TMOD4: variants seen among roughly 807,000 people sequenced by gnomAD.
TMOD4 encodes tropomodulin-4.
Under a neutral mutation model 45.4 loss-of-function variants are expected in TMOD4, and 34 were observed. The ratio of observed to expected loss-of-function variants is 0.75; its 90% CI spans 0.57 to 1.00. The LOEUF (loss-of-function observed/expected upper bound fraction) is 1.00. Among genes scored for constraint, TMOD4 ranks in the 50% least tolerant of loss-of-function variants. The probability of loss-of-function intolerance (pLI) is 0.00; values close to 1 mark genes in which losing one functional copy is unlikely to be tolerated. For synonymous variants in TMOD4, 131 were observed against 153.9 expected, an observed-to-expected ratio of 0.85 and a Z score of 1.10; for missense variants, 399 against 437.5, an observed-to-expected ratio of 0.91 and a Z score of 0.78.
rs1283727307 is a variant in TMOD4, at chr1:151,171,387, G to T, written c.726+46C>A. 1.3e-6 allele frequency: 2 copies of T among 1,520,674 alleles called. 1 individual carries two copies. Among genetic ancestry groups the T allele is most frequent in the Admixed American group, 3.3e-5 (2 of 59,798 alleles). The allele number at this position is 1,520,674 out of a possible 1,614,324, so 94.2% of individuals were successfully genotyped here. On this transcript the variant is annotated intron_variant, in intron 7 of 9. Transcript: ENST00000295314. ...CCTTTATGACAGCCATGCAACAGGTGCATGTAAGATGTGGGGAGAGGGCTG... is the reference window on the plus strand; with the variant it reads ...CCTTTATGACAGCCATGCAACAGGTTCATGTAAGATGTGGGGAGAGGGCTG...
intron 4 of TMOD4, among the ~76,000 whole-genome samples, chr1:151,173,144 C>T (rs113978261): frequency 2.6e-5 from 4 of 152,018 alleles, no homozygotes; most frequent in Admixed American, 6.6e-5. Context: ...TTAGTAGAGA[C>T]GGGGTTTCAC....
At chr1:151,173,976 G>T (rs1684031322) in intron 3 of TMOD4, among the ~76,000 whole-genome samples, 1 of 152,104 alleles carries the variant, frequency 6.6e-6, no homozygotes, top group African/African-American at 2.4e-5. Flanking sequence ...AGCACTTTGG[G>T]AGGCTAAGGC....
chr1:151,170,995 G>C lies in TMOD4; in HGVS notation c.795C>G (p.Ser265Arg). ...TCAGCACAGCCATGAGTCCTGTGCT[G>C]CTAATGAAGTTGGATTCGATGTTTA... Reference protein sequence around the residue: ...QSLNIESNFISSTGLMAVLKA... With the variant: ...QSLNIESNFIRSTGLMAVLKA... Residue 265 changes from serine to arginine, a missense_variant, in exon 8 of 10, where the codon AGC (serine) becomes AGG (arginine). Physicochemically the swap from Ser to Arg is moderately radical, Grantham distance 110. Coordinates refer to ENST00000295314, the MANE Select transcript of TMOD4 (RefSeq NM_013353.3). The C allele has an allele frequency of 6.2e-7, 1 of 1,614,170 alleles. No individual in the cohort carries two copies. The highest frequency in any genetic ancestry group is 8.5e-7 in the Non-Finnish European group (1 of 1,180,032).
At position 151,171,632 on chromosome 1, in the gene TMOD4, C is replaced by T. The variant is rs755918408; in HGVS notation, c.618+1G>A. On this transcript the variant is annotated splice_donor_variant, in intron 6 of 9. Transcript: ENST00000295314. LOFTEE classifies it high-confidence loss of function. Reference sequence around the variant, plus strand: ...TGGTTTGGAGGATGCAAGTCAAATACCTGTATATTATTCAAGTTCACCTCC... The same window carrying T: ...TGGTTTGGAGGATGCAAGTCAAATATCTGTATATTATTCAAGTTCACCTCC... The T allele has an allele frequency of 1.2e-6, 2 of 1,614,050 alleles. No individual in the cohort carries two copies. Among genetic ancestry groups the T allele is most frequent in the Admixed American group, 1.7e-5 (1 of 60,000 alleles).
intron 1 of TMOD4, 33 bp from the exon 2 acceptor site, chr1:151,174,950 G>GT (rs1684059967): frequency 1.3e-6 from 2 of 1,583,166 alleles, no homozygotes; most frequent in Non-Finnish European, 1.7e-6. Context: ...ATGGACAATG[G>GT]TAAGATGGAC....
In TMOD4 at chr1:151,173,571, G is replaced by T. The variant is rs1285588873; in HGVS notation, c.325C>A (p.Gln109Lys). 1 of 1,614,192 alleles carries T rather than the reference G, an allele frequency of 6.2e-7. No individual in the cohort carries two copies. The highest frequency in any genetic ancestry group is 2.2e-5 in the East Asian group (1 of 44,874). ...TCCAGCTCAGGCTCCAGGGTGATCT[G>T]CTCCTCTGCTGGGATTTCCCTCTTG... ...QPKREIPAEE[Q>K]ITLEPELEEA... is the part of the protein sequence containing the mutation. Residue 109 changes from glutamine (Q) to lysine (K), a missense_variant, in exon 4 of 10, where the codon CAG becomes AAG. Transcript: ENST00000295314.
At chr1:151,170,833 ATTAAG>A (rs1683930357) in intron 8 of TMOD4, 82 bp downstream of exon 8, 1 of 1,547,922 alleles carries the variant, frequency 6.5e-7, no homozygotes, top group African/African-American at 1.4e-5. Flanking sequence ...TTCAAGCAAG[ATTAAG>A]TAAGATAGCT....
chr1:151,170,747 A>T, intron 8 of TMOD4, 84 bp from the exon 9 acceptor site: 1 of 1,561,438 alleles, frequency 6.4e-7, no homozygotes, highest in Admixed American at 1.8e-5. Flanking sequence ...TGGGAGGTCA[A>T]AGAAGCTTGT....
chr1:151,171,581 C>G (rs28730723), intron 6 of TMOD4, 41 bp from the exon 7 acceptor site: 9 of 1,613,846 alleles, frequency 5.6e-6, no homozygotes, highest in Admixed American at 3.3e-5. Flanking sequence ...AAGGGACTCT[C>G]GGATGTCAGT....
chr1:151,174,702 C>G, intron 2 of TMOD4, 51 bp downstream of exon 2: 2 of 1,611,810 alleles, frequency 1.2e-6, no homozygotes, highest in Non-Finnish European at 1.7e-6. Context: ...AGCCCAACAC[C>G]CTTCCCAAAT....
At chr1:151,171,307 C>T in intron 7 of TMOD4, 126 bp downstream of exon 7, 3 of 921,184 alleles carry the variant, frequency 3.3e-6, no homozygotes, top group Non-Finnish European at 5.1e-6. Context: ...AGGTAGGAGT[C>T]TCCATGAGGG....
chr1:151,172,007 T>C (rs1683975724), intron 5 of TMOD4, among the ~76,000 whole-genome samples: 1 of 152,000 alleles, frequency 6.6e-6, no homozygotes, highest in Non-Finnish European at 1.5e-5. Flanking sequence ...CTAATTTTTG[T>C]AGTTTTAGTA....
chr1:151,172,409 A>T, intron 4 of TMOD4, 52 bp from the exon 5 acceptor site: 13 of 1,395,916 alleles, frequency 9.3e-6, no homozygotes, highest in Non-Finnish European at 1.3e-5. Context: ...ACCTGTTCCA[A>T]GCCTCCCTCC....
At chr1:151,172,989 T>C (rs1684004987) in intron 4 of TMOD4, among the ~76,000 whole-genome samples, 1 of 152,084 alleles carries the variant, frequency 6.6e-6, no homozygotes, top group Non-Finnish European at 1.5e-5. Context: ...ACCCAGCTAA[T>C]TTTTTGTATT....
At position 151,170,992 on chromosome 1, in the gene TMOD4, G is replaced by A. The variant is rs369359564; in HGVS notation, c.798C>T (p.Ser266=). The change falls in exon 8 of 10, where the codon AGC becomes AGT. Residue 266 remains serine, a synonymous_variant. Transcript: ENST00000295314. ...CCTTCAGCACAGCCATGAGTCCTGT[G>A]CTGCTAATGAAGTTGGATTCGATGT... The part of the protein sequence containing the change: ...SLNIESNFIS[S]TGLMAVLKAV... 2.7e-5 allele frequency: 43 copies of A among 1,614,078 alleles called. No individual in the cohort carries two copies. Among genetic ancestry groups the A allele is most frequent in the Non-Finnish European group, 3.5e-5 (41 of 1,180,040 alleles).
intron 4 of TMOD4, among the ~76,000 whole-genome samples, chr1:151,173,093 T>C (rs1558209671): frequency 6.6e-6 from 1 of 152,094 alleles, no homozygotes; most frequent in Admixed American, 6.6e-5. Flanking sequence ...AGTGTTGGGA[T>C]TACAGGTGTG....
intron 8 of TMOD4, 128 bp downstream of exon 8, chr1:151,170,792 G>C: frequency 1.3e-6 from 2 of 1,511,250 alleles, no homozygotes; most frequent in African/African-American, 2.8e-5. Context: ...TGCTGACTTG[G>C]CTTCCCTCAC....
chr1:151,174,294 A>C, intron 3 of TMOD4, 97 bp downstream of exon 3: 63 of 1,353,944 alleles, frequency 4.7e-5, no homozygotes, highest in Non-Finnish European at 6.0e-5. Flanking sequence ...CTAGGCAACT[A>C]GGAGCTGGAA....
chr1:151,170,843 ATAGCTGCCCCAC>A (rs926869520), intron 8 of TMOD4, 65 bp downstream of exon 8: 132 of 1,561,458 alleles, frequency 8.5e-5, no homozygotes, highest in Non-Finnish European at 1.1e-4. Flanking sequence ...ATTAAGTAAG[ATAGCTGCCCCAC>A]TGGCTGGCTC....
Sources: gnomAD v4.1 joint callset for allele counts (sites outside exome capture counted in the v4.1 genomes callset) on GRCh38, gnomAD v4.1.1 for gene constraint, MANE v1.5 for transcripts, NCBI Gene and HGNC (gene_info 2026-07-23, HGNC 2026-07-21) for gene names.